Variants in FCHSD2 observed in about 807,000 individuals in gnomAD.
FCHSD2 encodes FCH and double SH3 domains 2.
A neutral mutation model predicts 108.1 loss-of-function variants in FCHSD2; 38 were observed. The ratio of observed to expected loss-of-function variants is 0.35; its 90% CI spans 0.27 to 0.46. FCHSD2 has a LOEUF of 0.46. Among genes scored for constraint, FCHSD2 ranks in the 20% least tolerant of loss-of-function variants. FCHSD2 has a pLI of 1.00. For missense variants in FCHSD2, 751 were observed against 897.8 expected, an observed-to-expected ratio of 0.84 and a Z score of 2.09; for synonymous variants, 279 against 314.7, an observed-to-expected ratio of 0.89 and a Z score of 1.20.
intron 2 of FCHSD2, among the ~76,000 whole-genome samples, chr11:73,106,127 T>C (rs929582946): frequency 6.6e-6 from 1 of 152,112 alleles, no homozygotes; most frequent in African/African-American, 2.4e-5. Context: ...TTTTACAAAA[T>C]CTTGAAATTT....
In FCHSD2 at chr11:73,031,472, GA is replaced by G. The variant is rs374321963; in HGVS notation, c.166-15588del. Among the ~76,000 whole-genome samples, 730 of 149,672 alleles carry G rather than the reference GA, an allele frequency of 4.9e-3. 5 individuals carry two copies. Among genetic ancestry groups the G allele is most frequent in the African/African-American group, 0.017 (708 of 40,776 alleles). Reference sequence around the variant, plus strand: ...GGTGACAGAACAAGACCCTGTCTCCGAAAAAAAAAGAGAGACAGAGAGAGAA... The same window carrying G: ...GGTGACAGAACAAGACCCTGTCTCCGAAAAAAAAGAGAGACAGAGAGAGAA... On this transcript the variant is annotated intron_variant, in intron 3 of 19. Transcript: ENST00000409418.
At chr11:73,137,791 G>C (rs896074150) in intron 2 of FCHSD2, among the ~76,000 whole-genome samples, 1 of 152,172 alleles carries the variant, frequency 6.6e-6, no homozygotes, top group African/African-American at 2.4e-5. Context: ...CTGACGTCCC[G>C]AGTGACCAGA....
intron 3 of FCHSD2, among the ~76,000 whole-genome samples, chr11:73,028,951 C>T (rs981308222): frequency 7.9e-5 from 12 of 152,118 alleles, no homozygotes; most frequent in African/African-American, 2.4e-4. Context: ...GTCCATGAAA[C>T]CTCTTTTCTT....
At chr11:73,016,630 CA>C (rs1857980524) in intron 3 of FCHSD2, among the ~76,000 whole-genome samples, 1 of 152,198 alleles carries the variant, frequency 6.6e-6, no homozygotes, top group South Asian at 2.1e-4. Context: ...AAGAGAAAAA[CA>C]AATTCAATTT....
intron 8 of FCHSD2, among the ~76,000 whole-genome samples, chr11:72,963,114 C>T (rs1856846252): frequency 6.6e-6 from 1 of 152,140 alleles, no homozygotes; most frequent in African/African-American, 2.4e-5. Flanking sequence ...CAGTGCCTAG[C>T]ATATACTCAG....
chr11:73,088,215 C>T (rs1253933481), intron 2 of FCHSD2, among the ~76,000 whole-genome samples: 1 of 152,168 alleles, frequency 6.6e-6, no homozygotes, highest in African/African-American at 2.4e-5. Flanking sequence ...ATCTTTCCTA[C>T]ATTTAGATAT....
chr11:72,951,043 A>C (rs1856611883), intron 8 of FCHSD2, among the ~76,000 whole-genome samples: 1 of 152,218 alleles, frequency 6.6e-6, no homozygotes, highest in Non-Finnish European at 1.5e-5. Context: ...TCAATGACAC[A>C]GGTTTAGCCA....
rs1473001570 is a variant in FCHSD2 at position 73,055,162 on chromosome 11, C to T, written c.165+28533G>A. Among the ~76,000 whole-genome samples the T allele has an allele frequency of 2.6e-5, 4 of 151,978 alleles. No homozygotes were observed. The East Asian group carries it at 5.8e-4, about 22-fold the overall frequency. ...TCGAAAGAACTCACTATCATGAGAA[C>T]AACAGGGGGAAAACCACCCCCATGA... On this transcript the variant is annotated intron_variant, in intron 3 of 19. Coordinates refer to ENST00000409418, the MANE Select transcript of FCHSD2 (RefSeq NM_014824.3).
chr11:73,022,902 A>G (rs1420500353), intron 3 of FCHSD2, among the ~76,000 whole-genome samples: 2 of 152,158 alleles, frequency 1.3e-5, no homozygotes, highest in Non-Finnish European at 2.9e-5. Context: ...AATATAGTAA[A>G]CTGATTTTTC....
At chr11:72,971,476 A>G (rs1179291974) in intron 8 of FCHSD2, among the ~76,000 whole-genome samples, 1 of 152,214 alleles carries the variant, frequency 6.6e-6, no homozygotes, top group African/African-American at 2.4e-5. Context: ...TTAAAAGCAG[A>G]GTTTTCTCTA....
chr11:73,080,369 C>A (rs1366635411), intron 3 of FCHSD2, among the ~76,000 whole-genome samples: 6 of 150,010 alleles, frequency 4.0e-5, no homozygotes, highest in Non-Finnish European at 7.4e-5. Flanking sequence ...TTAACTTTGA[C>A]CACTCTGTAA....
chr11:72,839,518 T>C (rs1860841771), intron 19 of FCHSD2, among the ~76,000 whole-genome samples: 2 of 151,868 alleles, frequency 1.3e-5, no homozygotes, highest in East Asian at 3.9e-4. Context: ...GTACTGGCAG[T>C]AGGGGAAGTA....
chr11:72,901,840 T>C (rs1480722199), intron 10 of FCHSD2, among the ~76,000 whole-genome samples: 1 of 152,098 alleles, frequency 6.6e-6, no homozygotes, highest in African/African-American at 2.4e-5. Flanking sequence ...ACATGTTCAT[T>C]ATTCCATTTA....
chr11:73,101,736 GCCCCC>G (rs1860231628), intron 2 of FCHSD2, among the ~76,000 whole-genome samples: 1 of 150,294 alleles, frequency 6.7e-6, no homozygotes, highest in African/African-American at 2.5e-5. Flanking sequence ...TGCACCCCCC[GCCCCC>G]GAAAAAAACA....
At chr11:73,047,542 T>C (rs1858797833) in intron 3 of FCHSD2, among the ~76,000 whole-genome samples, 2 of 152,188 alleles carry the variant, frequency 1.3e-5, no homozygotes, top group Admixed American at 1.3e-4. Context: ...ACCTAGCCAC[T>C]GCCAAGGATA....
chr11:72,958,006 A>G (rs534802178), intron 8 of FCHSD2, among the ~76,000 whole-genome samples: 98 of 152,334 alleles, frequency 6.4e-4, no homozygotes, highest in African/African-American at 2.2e-3. Context: ...AATGTATACA[A>G]TATCTGAATC....
At chr11:73,099,679 C>T (rs1591552422) in intron 2 of FCHSD2, among the ~76,000 whole-genome samples, 1 of 152,224 alleles carries the variant, frequency 6.6e-6, no homozygotes, top group Admixed American at 6.5e-5. Flanking sequence ...TTAGGCTTAG[C>T]GGCGCTCACC....
At chr11:73,136,230 A>G (rs1212336644) in intron 2 of FCHSD2, among the ~76,000 whole-genome samples, 1 of 152,042 alleles carries the variant, frequency 6.6e-6, no homozygotes, top group Non-Finnish European at 1.5e-5. Context: ...AATTTAGCAT[A>G]AAATTCTATT....
intron 12 of FCHSD2, among the ~76,000 whole-genome samples, chr11:72,885,317 T>C (rs1348761995): frequency 6.6e-6 from 1 of 152,184 alleles, no homozygotes; most frequent in Middle Eastern, 3.2e-3. Flanking sequence ...GCTACAATGG[T>C]TTTAGCATAC....
Sources: allele counts gnomAD v4.1 joint callset (sites outside exome capture counted in the v4.1 genomes callset), GRCh38; gene constraint gnomAD v4.1.1; transcripts MANE v1.5; gene names NCBI Gene and HGNC (gene_info 2026-07-23, HGNC 2026-07-21).